CSMD3: variants seen among roughly 807,000 people sequenced by gnomAD.
CSMD3 encodes CUB and Sushi multiple domains 3, also known as CUB and sushi domain-containing protein 3.
Under a neutral mutation model 435.2 loss-of-function variants are expected in CSMD3, and 177 were observed. The observed-to-expected ratio is 0.41, with a 90% CI of 0.36 to 0.46. The LOEUF is 0.46. CSMD3 is among the 20% of genes least tolerant of loss of function. The probability of loss-of-function intolerance (pLI) is 0.34; values close to 1 mark genes in which losing one functional copy is unlikely to be tolerated. For missense variants in CSMD3, 4,265 were observed against 4,504.6 expected (o/e 0.95, Z 1.52); for synonymous variants, 1,656 against 1,520.5 (o/e 1.09, Z -2.07).
intron 27 of CSMD3, among the ~76,000 whole-genome samples, chr8:112,534,854 T>C (rs575026753): frequency 9.5e-4 from 145 of 152,240 alleles, no homozygotes; most frequent in Admixed American, 5.2e-3. Flanking sequence ...GCTTCATCCC[T>C]GGGATGCAAG....
intron 1 of CSMD3, among the ~76,000 whole-genome samples, chr8:113,334,391 T>C (rs536947091): frequency 6.8e-6 from 1 of 146,640 alleles, no homozygotes; most frequent in East Asian, 2.0e-4. Context: ...CATTGGTTGA[T>C]TCTGGAATAT....
chr8:112,612,716 T>C (rs1403105721), intron 22 of CSMD3, among the ~76,000 whole-genome samples: 3 of 35,632 alleles, frequency 8.4e-5, no homozygotes, highest in African/African-American at 1.2e-4. Flanking sequence ...GTTCTTTTTT[T>C]TTTTTTTTTT....
chr8:112,877,547 C>T (rs569980511), intron 10 of CSMD3, among the ~76,000 whole-genome samples: 54 of 152,146 alleles, frequency 3.5e-4, no homozygotes, highest in Non-Finnish European at 6.8e-4. Flanking sequence ...GGATTACAGG[C>T]ATGAGCCACC....
chr8:112,331,704 C>T (rs569536165), intron 45 of CSMD3, among the ~76,000 whole-genome samples: 17 of 151,944 alleles, frequency 1.1e-4, no homozygotes, highest in Non-Finnish European at 2.2e-4. Context: ...GAGAAAATCA[C>T]TTCTGAATTA....
At chr8:112,566,800 CA>C (rs1283469791) in intron 24 of CSMD3, among the ~76,000 whole-genome samples, 1 of 151,992 alleles carries the variant, frequency 6.6e-6, no homozygotes, top group Admixed American at 6.6e-5. Context: ...ACCCCATTTG[CA>C]AAATAAGATT....
intron 62 of CSMD3, 96 bp from the exon 63 acceptor site, chr8:112,254,422 C>A: frequency 1.2e-6 from 1 of 849,390 alleles, no homozygotes; most frequent in Non-Finnish European, 2.0e-6. Flanking sequence ...GGGTTTGGTA[C>A]AAAGGATCTA....
intron 13 of CSMD3, among the ~76,000 whole-genome samples, chr8:112,720,014 T>C (rs957321531): frequency 3.3e-5 from 5 of 152,178 alleles, no homozygotes; most frequent in African/African-American, 9.7e-5. Context: ...GTGCTTTTGG[T>C]CATGAAGACA....
At chr8:113,111,634 G>C (rs1189247175) in intron 4 of CSMD3, among the ~76,000 whole-genome samples, 1 of 151,960 alleles carries the variant, frequency 6.6e-6, no homozygotes, top group Non-Finnish European at 1.5e-5. Context: ...TATACAGAAC[G>C]GGCCCATCAC....
intron 42 of CSMD3, among the ~76,000 whole-genome samples, chr8:112,339,710 G>T (rs1184625832): frequency 1.3e-5 from 2 of 152,054 alleles, no homozygotes; most frequent in African/African-American, 4.8e-5. Context: ...ACTCTAAATT[G>T]TACAGTATAA....
At chr8:113,227,415 T>C (rs964524749) in intron 3 of CSMD3, among the ~76,000 whole-genome samples, 3 of 151,586 alleles carry the variant, frequency 2.0e-5, no homozygotes, top group African/African-American at 7.3e-5. Flanking sequence ...ATCTCTTAAA[T>C]CTCTTAGGAA....
chr8:112,903,511 G>A (rs536568197), intron 10 of CSMD3, among the ~76,000 whole-genome samples: 2 of 151,306 alleles, frequency 1.3e-5, no homozygotes, highest in East Asian at 3.9e-4. Context: ...CCTGGCATGA[G>A]GGGATAGAGG....
chr8:113,100,243 T>C, intron 4 of CSMD3, among the ~76,000 whole-genome samples: 1 of 152,200 alleles, frequency 6.6e-6, no homozygotes, highest in East Asian at 1.9e-4. Flanking sequence ...TTTTTAAAAA[T>C]TTTATTGTGT....
chr8:112,895,318 G>T lies in CSMD3; in HGVS notation c.1633+26309C>A, dbSNP rs2081920506. On this transcript the variant is annotated intron_variant, in intron 10 of 70. Transcript: ENST00000297405. Reference sequence around the variant, plus strand: ...ATAATTAGAATAGGTAGATATTTCAGCAATGACGGTAAGTGGAGCCTGAAT... The same window carrying T: ...ATAATTAGAATAGGTAGATATTTCATCAATGACGGTAAGTGGAGCCTGAAT... Among the ~76,000 whole-genome samples, 3 of 151,536 alleles carry T rather than the reference G, an allele frequency of 2.0e-5. No individual in the cohort carries two copies. The South Asian group carries it at 6.2e-4, about 31-fold the overall frequency.
chr8:112,751,520 A>G (rs551206813), intron 13 of CSMD3, among the ~76,000 whole-genome samples: 1 of 152,184 alleles, frequency 6.6e-6, no homozygotes, highest in South Asian at 2.1e-4. Context: ...GATTGCTCAC[A>G]TATATTTTGA....
Position 112,509,049 on chromosome 8 carries a change from T to C in CSMD3, c.4757-2220A>G, listed in dbSNP as rs188400841. ...TTAAATTACATTTAGAGAGACACAATAACCTTTCTATTACTTAGAGAGTCT... is the reference window on the plus strand; with the variant it reads ...TTAAATTACATTTAGAGAGACACAACAACCTTTCTATTACTTAGAGAGTCT... On this transcript the variant is annotated intron_variant, in intron 28 of 70. Transcript: ENST00000297405. Among the ~76,000 whole-genome samples the C allele has an allele frequency of 8.4e-4, 128 of 152,112 alleles. 1 individual carries two copies. The highest frequency in any genetic ancestry group is 8.0e-3 in the Admixed American group (122 of 15,272).
At chr8:113,239,412 C>G (rs11997737) in intron 3 of CSMD3, among the ~76,000 whole-genome samples, 3 of 151,830 alleles carry the variant, frequency 2.0e-5, no homozygotes, top group Middle Eastern at 3.2e-3. Context: ...ATCAGATGAA[C>G]GTATGCCACT....
chr8:112,609,672 C>T (rs1833101587), intron 22 of CSMD3, among the ~76,000 whole-genome samples: 1 of 151,902 alleles, frequency 6.6e-6, no homozygotes, highest in Non-Finnish European at 1.5e-5. Flanking sequence ...GGTATATAAC[C>T]GAAGGACATA....
rs115408093 is a variant in CSMD3 at position 113,142,294 on chromosome 8, C to G, written c.709+31428G>C. ...AATCTAAAATTTATATGAAAAGACA[C>G]AGGGACTACAATAGCTAAAATTATT... is the stretch of plus-strand genomic sequence containing the variant. On this transcript the variant is annotated intron_variant, in intron 4 of 70. Transcript: ENST00000297405. 4.7e-3 allele frequency among the ~76,000 whole-genome samples: 704 copies of G among 151,184 alleles called. 5 individuals carry two copies. The highest frequency in any genetic ancestry group is 0.015 in the African/African-American group (612 of 41,380).
chr8:112,917,743 A>G (rs981029029), intron 10 of CSMD3, among the ~76,000 whole-genome samples: 4 of 151,946 alleles, frequency 2.6e-5, no homozygotes, highest in Non-Finnish European at 5.9e-5. Context: ...TGACAATGGG[A>G]ATGGAAGTTT....
Sources: allele counts gnomAD v4.1 joint callset (sites outside exome capture counted in the v4.1 genomes callset), GRCh38; gene constraint gnomAD v4.1.1; transcripts MANE v1.5; gene names NCBI Gene and HGNC (gene_info 2026-07-23, HGNC 2026-07-21).